DEPTOR: variants seen among roughly 807,000 people sequenced by gnomAD.
DEPTOR encodes the protein DEP domain containing MTOR interacting protein, also known as DEP domain-containing mTOR-interacting protein.
DEPTOR carries 41 observed loss-of-function variants against 41.6 expected under a neutral mutation model. The observed-to-expected ratio is 0.98, with a 90% CI of 0.77 to 1.28. The LOEUF (loss-of-function observed/expected upper bound fraction) is 1.28, where lower values mean the gene tolerates loss of function less well. DEPTOR is among the 50% of genes most tolerant of loss of function. The probability of loss-of-function intolerance (pLI) is 0.00; values close to 1 mark genes in which losing one functional copy is unlikely to be tolerated. For synonymous variants in DEPTOR, 195 were observed against 192.3 expected (o/e 1.01, Z -0.12); for missense variants, 514 against 527.9 (o/e 0.97, Z 0.26).
chr8:119,985,826 C>CTTTTTTTTTTTTTTTTTTTTTT (rs999602227), intron 4 of DEPTOR, among the ~76,000 whole-genome samples: 1 of 41,604 alleles, frequency 2.4e-5, no homozygotes, highest in African/African-American at 1.1e-4. Context: ...AACCCCTGCT[C>CTTTTTTTTTTTTTTTTTTTTTT]TTTTTTTTTT....
At chr8:119,951,353 G>A (rs1244176285) in intron 3 of DEPTOR, among the ~76,000 whole-genome samples, 1 of 152,166 alleles carries the variant, frequency 6.6e-6, no homozygotes, top group Non-Finnish European at 1.5e-5. Context: ...GAGGGTACAA[G>A]CACTTGGTTT....
rs140627954 is a variant in DEPTOR at position 119,922,297 on chromosome 8, G to A, written c.123-6103G>A. ...TTCTCTTAGGTTGGAAAGTTTACAGGAGCTAAAACTCTTCTCTTGGCTCAT... is the reference window on the plus strand; with the variant it reads ...TTCTCTTAGGTTGGAAAGTTTACAGAAGCTAAAACTCTTCTCTTGGCTCAT... On this transcript the variant is annotated intron_variant, in intron 1 of 8. Coordinates refer to ENST00000286234, the MANE Select transcript of DEPTOR (RefSeq NM_022783.4). Among the ~76,000 whole-genome samples the A allele has an allele frequency of 1.4e-3, 218 of 151,704 alleles. 3 individuals carry two copies. In the East Asian group the frequency reaches 0.039, roughly 27 times the overall value.
chr8:119,923,356 A>T (rs1248305407), intron 1 of DEPTOR, among the ~76,000 whole-genome samples: 1 of 151,902 alleles, frequency 6.6e-6, no homozygotes, highest in East Asian at 1.9e-4. Context: ...TGATGCTCCC[A>T]CTTCAGCCTC....
At chr8:120,018,107 G>A (rs998513924) in intron 8 of DEPTOR, among the ~76,000 whole-genome samples, 2 of 152,134 alleles carry the variant, frequency 1.3e-5, no homozygotes, top group Non-Finnish European at 2.9e-5. Flanking sequence ...CAACATAACT[G>A]TCTATTTCAT....
At chr8:120,030,501 T>TTTG (rs1812872991) in intron 8 of DEPTOR, among the ~76,000 whole-genome samples, 1 of 96,456 alleles carries the variant, frequency 1.0e-5, no homozygotes, top group African/African-American at 4.2e-5. Flanking sequence ...TCATCAGTTT[T>TTTG]TTTTTTTTTT....
intron 8 of DEPTOR, among the ~76,000 whole-genome samples, chr8:120,045,006 A>C (rs543738868): frequency 9.2e-5 from 14 of 152,328 alleles, no homozygotes; most frequent in Non-Finnish European, 1.5e-4. Flanking sequence ...TAAGTTCTCC[A>C]CACACTAGTT....
At chr8:119,966,330 G>A (rs940329623) in intron 4 of DEPTOR, among the ~76,000 whole-genome samples, 12 of 152,156 alleles carry the variant, frequency 7.9e-5, no homozygotes, top group Non-Finnish European at 1.6e-4. Flanking sequence ...GCTGGGTGTT[G>A]TGGTGCACGT....
intron 1 of DEPTOR, among the ~76,000 whole-genome samples, chr8:119,897,057 T>C (rs1457296971): frequency 3.3e-5 from 5 of 152,184 alleles, no homozygotes; most frequent in Non-Finnish European, 7.3e-5. Flanking sequence ...TAAGAAGATA[T>C]CACTATGGAT....
chr8:120,023,036 G>A (rs1812743990), intron 8 of DEPTOR, among the ~76,000 whole-genome samples: 1 of 152,178 alleles, frequency 6.6e-6, no homozygotes, highest in Admixed American at 6.6e-5. Flanking sequence ...TTTGCTCACA[G>A]TTCTGGAGAA....
At chr8:119,919,978 G>T (rs1827868807) in intron 1 of DEPTOR, among the ~76,000 whole-genome samples, 1 of 152,214 alleles carries the variant, frequency 6.6e-6, no homozygotes, top group African/African-American at 2.4e-5. Context: ...AGGGCTGGAA[G>T]AGGAAATGGT....
chr8:120,008,128 A>G (rs1323171126), intron 7 of DEPTOR, among the ~76,000 whole-genome samples: 1 of 152,282 alleles, frequency 6.6e-6, no homozygotes, highest in East Asian at 1.9e-4. Flanking sequence ...AATTCCAAAC[A>G]ACTTTTGGAT....
chr8:120,002,634 C>T (rs4621850), intron 5 of DEPTOR, among the ~76,000 whole-genome samples: 97,242 of 149,046 alleles, frequency 0.65, 32,845 homozygotes, highest in Middle Eastern at 0.76. Context: ...AAAATTTAGC[C>T]GGGCGTGGTG....
At chr8:120,022,398 G>C (rs1812733222) in intron 8 of DEPTOR, among the ~76,000 whole-genome samples, 1 of 152,054 alleles carries the variant, frequency 6.6e-6, no homozygotes, top group Non-Finnish European at 1.5e-5. Flanking sequence ...GCAGATACAT[G>C]GAAATTTTTT....
At chr8:120,026,114 G>A (rs921799814) in intron 8 of DEPTOR, among the ~76,000 whole-genome samples, 1 of 151,260 alleles carries the variant, frequency 6.6e-6, no homozygotes. Context: ...AGCCTCCCAT[G>A]TAGCTGGGAT....
At chr8:119,908,583 A>G (rs1827697795) in intron 1 of DEPTOR, among the ~76,000 whole-genome samples, 1 of 152,178 alleles carries the variant, frequency 6.6e-6, no homozygotes, top group African/African-American at 2.4e-5. Context: ...ACTGCCTACT[A>G]CTTGCAATTG....
rs541536317 is a variant in DEPTOR at position 119,875,016 on chromosome 8, G to A, written c.122+1048G>A. Among the ~76,000 whole-genome samples, 4 of 152,034 alleles carry A rather than the reference G, an allele frequency of 2.6e-5. No homozygotes were observed. The South Asian group carries it at 6.3e-4, about 24-fold the overall frequency. ...GGACCTGAAAGAGTGTCTTGCAAAGGTCTCTGAAGGAGACCAATATTGGAA... is the reference window on the plus strand; with the variant it reads ...GGACCTGAAAGAGTGTCTTGCAAAGATCTCTGAAGGAGACCAATATTGGAA... On this transcript the variant is annotated intron_variant, in intron 1 of 8. Transcript: ENST00000286234.
At chr8:120,017,889 C>T (rs1328902765) in intron 8 of DEPTOR, among the ~76,000 whole-genome samples, 2 of 152,114 alleles carry the variant, frequency 1.3e-5, no homozygotes, top group Non-Finnish European at 2.9e-5. Context: ...TGTTTCCTGC[C>T]GTGATGAATT....
At chr8:120,036,147 C>A (rs1054565988) in intron 8 of DEPTOR, among the ~76,000 whole-genome samples, 1 of 152,134 alleles carries the variant, frequency 6.6e-6, no homozygotes, top group African/African-American at 2.4e-5. Flanking sequence ...GCAGAGCGTA[C>A]CAAGAGGGAG....
chr8:119,956,537 C>T (rs1812001305), intron 3 of DEPTOR, among the ~76,000 whole-genome samples: 1 of 152,112 alleles, frequency 6.6e-6, no homozygotes, highest in Non-Finnish European at 1.5e-5. Context: ...TTAACCCCAT[C>T]CACTGGCCCT....
Sources: allele counts gnomAD v4.1 joint callset (sites outside exome capture counted in the v4.1 genomes callset), GRCh38; gene constraint gnomAD v4.1.1; transcripts MANE v1.5; gene names NCBI Gene and HGNC (gene_info 2026-07-23, HGNC 2026-07-21).